Variants in XYLB observed in about 807,000 individuals in gnomAD.
The protein encoded by XYLB is xylulose kinase.
In XYLB, 62 loss-of-function variants were observed where a neutral mutation model predicts 78.7. That is an observed-to-expected ratio of 0.79 (90% CI 0.64 to 0.97). The LOEUF (loss-of-function observed/expected upper bound fraction) is 0.97. Ranked by LOEUF, XYLB falls within the 50% of genes least tolerant of loss-of-function variation. The pLI is 0.00. For synonymous variants in XYLB, 245 were observed against 247.4 expected, an observed-to-expected ratio of 0.99 and a Z score of 0.09; for missense variants, 687 against 676.8, an observed-to-expected ratio of 1.02 and a Z score of -0.17.
chr3:38,443,676 T>C, the XYLB span, among the ~76,000 whole-genome samples: 1 of 152,350 alleles, frequency 6.6e-6, no homozygotes, highest in Middle Eastern at 3.4e-3. Context: ...GGGCTTTCTT[T>C]TGGAGCTTTC....
chr3:38,348,705 G>T, intron 2 of XYLB, 73 bp downstream of exon 2: 1 of 1,387,966 alleles, frequency 7.2e-7, no homozygotes, highest in South Asian at 1.2e-5. Context: ...TTTTGTATTC[G>T]CAGACCGCAC....
intron 15 of XYLB, among the ~76,000 whole-genome samples, chr3:38,388,183 T>G (rs1253510674): frequency 1.3e-5 from 2 of 150,682 alleles, no homozygotes; most frequent in African/African-American, 4.9e-5. Context: ...TTTTTTTTTT[T>G]TTTTTTTTAC....
chr3:38,365,548 G>A (rs1398707224), intron 5 of XYLB, 60 bp from the exon 6 acceptor site: 7 of 1,559,892 alleles, frequency 4.5e-6, no homozygotes, highest in Non-Finnish European at 6.1e-6. Flanking sequence ...CGCCAGCCCT[G>A]GGGCAGATCT....
At chr3:38,388,281 T>G (rs931911702) in intron 15 of XYLB, among the ~76,000 whole-genome samples, 1 of 151,552 alleles carries the variant, frequency 6.6e-6, no homozygotes, top group Non-Finnish European at 1.5e-5. Flanking sequence ...AAAATTTTGG[T>G]TAGGGTACAG....
chr3:38,392,159 G>A (rs1200297961), intron 15 of XYLB, among the ~76,000 whole-genome samples: 1 of 152,144 alleles, frequency 6.6e-6, no homozygotes, highest in East Asian at 1.9e-4. Context: ...ACTCTCAGCA[G>A]CAGTTTATGA....
At chr3:38,397,725 C>T (rs1310257583) in intron 17 of XYLB, among the ~76,000 whole-genome samples, 2 of 152,100 alleles carry the variant, frequency 1.3e-5, no homozygotes, top group South Asian at 2.1e-4. Flanking sequence ...TGCTCTGTCT[C>T]CTGCTTGCTC....
At chr3:38,378,955 A>G (rs925330639) in intron 14 of XYLB, among the ~76,000 whole-genome samples, 1 of 151,794 alleles carries the variant, frequency 6.6e-6, no homozygotes, top group Non-Finnish European at 1.5e-5. Context: ...CTTATTGAAG[A>G]TTGCAGAGCT....
At chr3:38,422,815 A>G (rs1178078981), downstream of XYLB, among the ~76,000 whole-genome samples, 1 of 152,066 alleles carries the variant, frequency 6.6e-6, no homozygotes, top group African/African-American at 2.4e-5. Flanking sequence ...AAAAAAATTT[A>G]CAAGGGTTAA....
At chr3:38,397,000 A>G (rs1559609932) in intron 16 of XYLB, 72 bp from the exon 17 acceptor site, 1 of 1,476,126 alleles carries the variant, frequency 6.8e-7, no homozygotes, top group Non-Finnish European at 9.5e-7. Flanking sequence ...GAGCCTGGAA[A>G]GTGCATCCCA....
chr3:38,411,885 CCT>C (rs1708605813), intron 18 of XYLB, among the ~76,000 whole-genome samples: 1 of 152,090 alleles, frequency 6.6e-6, no homozygotes, highest in African/African-American at 2.4e-5. Flanking sequence ...CCTGGTCCTG[CCT>C]CCTACCTACT....
intron 15 of XYLB, among the ~76,000 whole-genome samples, chr3:38,387,684 A>C (rs1333679454): frequency 1.3e-5 from 2 of 152,146 alleles, no homozygotes; most frequent in Non-Finnish European, 2.9e-5. Context: ...CAGATGGACA[A>C]TTTCTATCAC....
At chr3:38,436,531 A>G in the XYLB span, among the ~76,000 whole-genome samples, 13 of 152,326 alleles carry the variant, frequency 8.5e-5, no homozygotes, top group East Asian at 1.2e-3. Context: ...ACTATTCTGA[A>G]AAATCAAAGA....
the XYLB span, among the ~76,000 whole-genome samples, chr3:38,446,737 C>G: frequency 6.6e-6 from 1 of 152,136 alleles, no homozygotes; most frequent in Non-Finnish European, 1.5e-5. Context: ...TGAAACCAGA[C>G]CCCTATCTCT....
chr3:38,391,106 C>T (rs1441631081), intron 15 of XYLB, among the ~76,000 whole-genome samples: 1 of 152,104 alleles, frequency 6.6e-6, no homozygotes, highest in African/African-American at 2.4e-5. Context: ...ATAGCCTACT[C>T]AGGAGGCTGA....
At chr3:38,442,028 T>C in the XYLB span, among the ~76,000 whole-genome samples, 1 of 152,204 alleles carries the variant, frequency 6.6e-6, no homozygotes, top group Non-Finnish European at 1.5e-5. Context: ...TCTCCGTGAT[T>C]AGAGTATAGA....
chr3:38,411,369 G>A (rs1323403143), intron 18 of XYLB, among the ~76,000 whole-genome samples: 2 of 152,024 alleles, frequency 1.3e-5, no homozygotes, highest in African/African-American at 4.8e-5. Context: ...ATCACACTCT[G>A]GGGACTGTTG....
At chr3:38,348,723 G>A (rs1161944719) in intron 2 of XYLB, 91 bp downstream of exon 2, 6 of 1,213,062 alleles carry the variant, frequency 4.9e-6, no homozygotes, top group Non-Finnish European at 7.3e-6. Flanking sequence ...CACTGTTGAG[G>A]CTTTGCCAAA....
intron 2 of XYLB, among the ~76,000 whole-genome samples, chr3:38,349,179 A>G (rs1052258319): frequency 4.6e-5 from 7 of 152,232 alleles, no homozygotes; most frequent in African/African-American, 1.7e-4. Flanking sequence ...AGGCAGAAGG[A>G]ACAACATGTG....
At chr3:38,404,183 C>T (rs1708224378) in intron 18 of XYLB, among the ~76,000 whole-genome samples, 2 of 152,210 alleles carry the variant, frequency 1.3e-5, no homozygotes, top group South Asian at 4.1e-4. Flanking sequence ...CCAATACAGG[C>T]TAGGACAACC....
Sources: gnomAD v4.1 joint callset for allele counts (sites outside exome capture counted in the v4.1 genomes callset) on GRCh38, gnomAD v4.1.1 for gene constraint, MANE v1.5 for transcripts, NCBI Gene and HGNC (gene_info 2026-07-23, HGNC 2026-07-21) for gene names.